MGST2: variants seen among roughly 807,000 people sequenced by gnomAD.
The protein encoded by MGST2 is glutathione peroxidase MGST2.
In MGST2, 9 loss-of-function variants were observed where a neutral mutation model predicts 16.6. That is an observed-to-expected ratio of 0.54 (90% CI 0.33 to 0.95). The LOEUF is 0.95. Among genes scored for constraint, MGST2 ranks in the 40% least tolerant of loss-of-function variants. The pLI, the probability that MGST2 is intolerant of heterozygous loss-of-function variation, is 0.03. For synonymous variants in MGST2, 79 were observed against 68.0 expected, an observed-to-expected ratio of 1.16 and a Z score of -0.79; for missense variants, 159 against 175.1, an observed-to-expected ratio of 0.91 and a Z score of 0.52.
chr4:139,709,308 C>T (rs1727651862), intron 5 of MGST2, among the ~76,000 whole-genome samples: 1 of 152,028 alleles, frequency 6.6e-6, no homozygotes, highest in Non-Finnish European at 1.5e-5. Context: ...TGGTCTTGAT[C>T]TCCTGACCTC....
chr4:139,699,417 T>G (rs1170823716), intron 3 of MGST2, among the ~76,000 whole-genome samples: 1 of 152,264 alleles, frequency 6.6e-6, no homozygotes, highest in Non-Finnish European at 1.5e-5. Flanking sequence ...TGTAAAAATT[T>G]GCGTATATTT....
At chr4:139,695,357 C>T in intron 3 of MGST2, 90 bp downstream of exon 3, 1 of 1,106,034 alleles carries the variant, frequency 9.0e-7, no homozygotes, top group South Asian at 1.3e-5. Flanking sequence ...CACGGTGGCT[C>T]ACACCTATAT....
rs1333976012 is a variant in MGST2 at position 139,735,322 on chromosome 4, C to T, written c.*49-4890C>T. ...TATCTCTGGGGTTATCTGCCCCCCT[C>T]CTCCGACTGACACTGAACTGGTTTC... On this transcript the variant is annotated intron_variant, in intron 5 of 5. Transcript: ENST00000616265. This position sits in a 1 kb window ranked among gnomAD's most constrained non-coding sequence, Gnocchi z 5.8. 1.3e-5 allele frequency among the ~76,000 whole-genome samples: 2 copies of T among 152,204 alleles called. No homozygotes were observed. Among genetic ancestry groups the T allele is most frequent in the Non-Finnish European group, 2.9e-5 (2 of 68,042 alleles).
intron 3 of MGST2, among the ~76,000 whole-genome samples, chr4:139,695,665 A>G (rs770901850): frequency 5.9e-5 from 9 of 152,204 alleles, no homozygotes; most frequent in Non-Finnish European, 1.2e-4. Context: ...TATAGCTACC[A>G]ATCCTGGAGA....
chr4:139,699,946 C>G (rs907988707), intron 3 of MGST2, among the ~76,000 whole-genome samples: 3 of 152,020 alleles, frequency 2.0e-5, no homozygotes, highest in Non-Finnish European at 2.9e-5. Context: ...GTGAGAGGAG[C>G]TCTCAAGCCC....
chr4:139,707,557 T>C (rs1179661646), downstream of MGST2, among the ~76,000 whole-genome samples: 1 of 152,220 alleles, frequency 6.6e-6, no homozygotes, highest in African/African-American at 2.4e-5. Context: ...TTATAATCCT[T>C]TGGGTATATA....
At chr4:139,736,253 C>A (rs1391346547) in intron 5 of MGST2, among the ~76,000 whole-genome samples, 2 of 152,144 alleles carry the variant, frequency 1.3e-5, no homozygotes, top group Non-Finnish European at 2.9e-5. Flanking sequence ...CAACCTCTCA[C>A]CAGAATCCAG....
At chr4:139,706,428 AG>A (rs576850909), downstream of MGST2, among the ~76,000 whole-genome samples, 17 of 152,334 alleles carry the variant, frequency 1.1e-4, no homozygotes, top group East Asian at 3.1e-3. Flanking sequence ...TATGCTAAAA[AG>A]CTATGATTCT....
intron 5 of MGST2, among the ~76,000 whole-genome samples, chr4:139,734,821 G>A (rs1728867811): frequency 6.6e-6 from 1 of 152,278 alleles, no homozygotes; most frequent in Non-Finnish European, 1.5e-5. Flanking sequence ...GCGAACCAAA[G>A]AGCAGGGAAT....
At chr4:139,696,815 G>A (rs1381041653) in intron 3 of MGST2, among the ~76,000 whole-genome samples, 19 of 152,150 alleles carry the variant, frequency 1.2e-4, no homozygotes, top group Admixed American at 1.2e-3. Flanking sequence ...TCATAATGCT[G>A]TTTCTATCAG....
chr4:139,702,867 T>TTC (rs1553948266), intron 3 of MGST2, among the ~76,000 whole-genome samples: 8 of 132,454 alleles, frequency 6.0e-5, no homozygotes, highest in African/African-American at 2.2e-4. Context: ...TTTTTTTTTT[T>TTC]TTTACAATTT....
At chr4:139,717,314 A>ATAT (rs755817970) in intron 5 of MGST2, 1 of 152,354 alleles carries the variant, frequency 6.6e-6, no homozygotes, top group Non-Finnish European at 1.5e-5. Context: ...CATTGCTTAT[A>ATAT]TATTTATTTC....
chr4:139,707,655 A>G (rs1467447539), downstream of MGST2, among the ~76,000 whole-genome samples: 1 of 150,290 alleles, frequency 6.7e-6, no homozygotes, highest in Non-Finnish European at 1.5e-5. Flanking sequence ...TGGTTGAACT[A>G]GTTTACAGTC....
intron 5 of MGST2, among the ~76,000 whole-genome samples, chr4:139,721,029 A>G (rs1454825316): frequency 2.6e-5 from 4 of 152,238 alleles, no homozygotes; most frequent in Admixed American, 1.3e-4. Flanking sequence ...ATAACTTGTC[A>G]TTGCAAACTG....
intron 5 of MGST2, chr4:139,719,792 T>G (rs1341467806): frequency 2.5e-6 from 4 of 1,613,636 alleles, no homozygotes; most frequent in Non-Finnish European, 2.5e-6. Flanking sequence ...GGCGCCATTG[T>G]TGAATGGTCC....
At chr4:139,691,697 G>GATT (rs3841989) in intron 2 of MGST2, among the ~76,000 whole-genome samples, 154 of 137,472 alleles carry the variant, frequency 1.1e-3, no homozygotes, top group Middle Eastern at 3.7e-3. Context: ...TGATGATGAT[G>GATT]ATTATTATTA....
At chr4:139,710,544 C>T (rs143872188) in intron 5 of MGST2, among the ~76,000 whole-genome samples, 2 of 152,248 alleles carry the variant, frequency 1.3e-5, no homozygotes, top group East Asian at 3.9e-4. Context: ...CCCCTGTGCC[C>T]TCCCTCCACC....
At chr4:139,682,074 C>T (rs2249398) in intron 2 of MGST2, among the ~76,000 whole-genome samples, 22,390 of 151,766 alleles carry the variant, frequency 0.15, 2,685 homozygotes, top group African/African-American at 0.33. Flanking sequence ...TACATACCTG[C>T]AGTCCTAGCT....
downstream of MGST2, among the ~76,000 whole-genome samples, chr4:139,706,531 G>A (rs1049277221): frequency 9.8e-5 from 15 of 152,330 alleles, no homozygotes; most frequent in Admixed American, 3.3e-4. Context: ...AATGAAGGAT[G>A]AGAATGCAAA....
Sources: allele counts gnomAD v4.1 joint callset (sites outside exome capture counted in the v4.1 genomes callset), GRCh38; gene constraint gnomAD v4.1.1; non-coding constraint Gnocchi (gnomAD v3.1); transcripts MANE v1.5; gene names NCBI Gene and HGNC (gene_info 2026-07-23, HGNC 2026-07-21).